Variants in EIF3H observed in about 807,000 individuals in gnomAD.
EIF3H encodes eIF-3-gamma.
In EIF3H, 26 loss-of-function variants were observed where a neutral mutation model predicts 44.2. That is an observed-to-expected ratio of 0.59 (90% confidence interval 0.43 to 0.82). The LOEUF is 0.82. EIF3H is among the 40% of genes least tolerant of loss of function. The pLI is 0.00. For synonymous variants in EIF3H, 166 were observed against 151.9 expected (o/e 1.09, Z -0.68); for missense variants, 359 against 432.8 (o/e 0.83, Z 1.51).
chr8:116,745,486 A>C (rs1013033550), intron 1 of EIF3H, among the ~76,000 whole-genome samples: 1 of 152,230 alleles, frequency 6.6e-6, no homozygotes, highest in African/African-American at 2.4e-5. Flanking sequence ...CAAATGATAG[A>C]TTGTCATCAC....
At chr8:116,700,967 T>C (rs1171164518) in intron 2 of EIF3H, among the ~76,000 whole-genome samples, 1 of 152,196 alleles carries the variant, frequency 6.6e-6, no homozygotes, top group African/African-American at 2.4e-5. Context: ...AGACTTCTGG[T>C]CTAAATTTAT....
chr8:116,750,464 C>G (rs562634931), intron 1 of EIF3H, among the ~76,000 whole-genome samples: 2 of 143,600 alleles, frequency 1.4e-5, no homozygotes, highest in South Asian at 4.3e-4. Flanking sequence ...ATCTGGAGTG[C>G]AGTGGTGCAA....
chr8:116,666,920 T>A (rs1388151255), intron 2 of EIF3H, among the ~76,000 whole-genome samples: 3 of 152,216 alleles, frequency 2.0e-5, no homozygotes, highest in African/African-American at 7.2e-5. Context: ...GTTAACATAC[T>A]TGAAAAAAGT....
At chr8:116,668,994 C>T (rs552445779) in intron 2 of EIF3H, among the ~76,000 whole-genome samples, 86 of 152,098 alleles carry the variant, frequency 5.7e-4, no homozygotes, top group Non-Finnish European at 1.1e-3. Context: ...CTTTTCTCAT[C>T]TCCATATTGG....
chr8:116,691,884 AAG>A (rs1563643910), intron 2 of EIF3H, among the ~76,000 whole-genome samples: 1 of 151,772 alleles, frequency 6.6e-6, no homozygotes, highest in African/African-American at 2.4e-5. Flanking sequence ...AAAAAAAAAA[AAG>A]AGGAGGTACA....
intron 2 of EIF3H, among the ~76,000 whole-genome samples, chr8:116,686,954 T>C (rs1814088449): frequency 1.3e-5 from 2 of 152,122 alleles, no homozygotes; most frequent in East Asian, 1.9e-4. Context: ...CCTGAGCCAT[T>C]ATCTCAAAGG....
intron 1 of EIF3H, among the ~76,000 whole-genome samples, chr8:116,733,841 AT>A (rs1291779750): frequency 6.6e-6 from 1 of 152,220 alleles, no homozygotes; most frequent in African/African-American, 2.4e-5. Context: ...AAACAAGGTA[AT>A]TTTATCAGAA....
At chr8:116,751,167 G>A (rs1255646351) in intron 1 of EIF3H, among the ~76,000 whole-genome samples, 1 of 151,188 alleles carries the variant, frequency 6.6e-6, no homozygotes, top group Non-Finnish European at 1.5e-5. Flanking sequence ...AGCCGAGATT[G>A]CGCCACTGCA....
chr8:116,717,486 C>T (rs555191984), intron 2 of EIF3H, among the ~76,000 whole-genome samples: 1 of 152,220 alleles, frequency 6.6e-6, no homozygotes, highest in African/African-American at 2.4e-5. Flanking sequence ...AATCACATTA[C>T]CTGACTTCAA....
At chr8:116,723,793 C>T (rs1246672113) in intron 2 of EIF3H, among the ~76,000 whole-genome samples, 4 of 152,170 alleles carry the variant, frequency 2.6e-5, no homozygotes, top group South Asian at 2.1e-4. Context: ...GCAAAACACT[C>T]GTAAACTGAA....
chr8:116,722,043 G>A (rs898315630), intron 2 of EIF3H, among the ~76,000 whole-genome samples: 1 of 152,174 alleles, frequency 6.6e-6, no homozygotes, highest in African/African-American at 2.4e-5. Context: ...AAGAGCCAGG[G>A]TGGAATGATA....
intron 1 of EIF3H, among the ~76,000 whole-genome samples, chr8:116,726,942 ATTAAT>A (rs1389407675): frequency 6.6e-6 from 1 of 152,224 alleles, no homozygotes; most frequent in African/African-American, 2.4e-5. Context: ...CCTGGCACAT[ATTAAT>A]AATAATAGCA....
At chr8:116,712,936 A>C (rs7825662) in intron 2 of EIF3H, among the ~76,000 whole-genome samples, 33,668 of 151,968 alleles carry the variant, frequency 0.22, 4,526 homozygotes, top group African/African-American at 0.38. Flanking sequence ...CTCCTGGGCA[A>C]GATAGGAAGC....
chr8:116,674,877 G>T (rs937824605), intron 2 of EIF3H, among the ~76,000 whole-genome samples: 60 of 152,014 alleles, frequency 3.9e-4, no homozygotes, highest in Admixed American at 3.5e-3. Flanking sequence ...ATAGAGTTCA[G>T]GTGCAAAAAA....
intron 2 of EIF3H, among the ~76,000 whole-genome samples, chr8:116,699,524 A>AAT (rs1814332034): frequency 6.6e-6 from 1 of 152,170 alleles, no homozygotes; most frequent in Non-Finnish European, 1.5e-5. Flanking sequence ...TAAAGATGAG[A>AAT]ATAGAAGACA....
chr8:116,761,810 T>G (rs1404690044), intron 1 of EIF3H, among the ~76,000 whole-genome samples: 2 of 152,240 alleles, frequency 1.3e-5, no homozygotes, highest in Non-Finnish European at 2.9e-5. Flanking sequence ...AAGAGCTCAC[T>G]GATACTGGCA....
chr8:116,695,808 A>G (rs1814261310), intron 2 of EIF3H, among the ~76,000 whole-genome samples: 2 of 152,172 alleles, frequency 1.3e-5, no homozygotes, highest in Admixed American at 6.5e-5. Context: ...TAAATTAGTT[A>G]CATAAAAAGG....
At chr8:116,726,488 C>T (rs1439980300) in intron 1 of EIF3H, among the ~76,000 whole-genome samples, 1 of 152,132 alleles carries the variant, frequency 6.6e-6, no homozygotes, top group African/African-American at 2.4e-5. Flanking sequence ...CAAAGAATAC[C>T]CCCTCAACCT....
chr8:116,713,280 A>T (rs956733183), intron 2 of EIF3H, among the ~76,000 whole-genome samples: 5 of 152,134 alleles, frequency 3.3e-5, no homozygotes, highest in Admixed American at 6.5e-5. Context: ...CAAAATTTGA[A>T]CAGGTTTTAC....
Sources: gnomAD v4.1 joint callset for allele counts (sites outside exome capture counted in the v4.1 genomes callset) on GRCh38, gnomAD v4.1.1 for gene constraint, MANE v1.5 for transcripts, NCBI Gene and HGNC (gene_info 2026-07-23, HGNC 2026-07-21) for gene names.